Variants in ARB2A observed in about 807,000 individuals in gnomAD.
The protein encoded by ARB2A is ARB2 cotranscriptional regulator A.
At chr5:93,794,312 T>G in the ARB2A span, among the ~76,000 whole-genome samples, 2 of 152,176 alleles carry the variant, frequency 1.3e-5, no homozygotes, top group East Asian at 3.9e-4. Context: ...ACTGAAGAAC[T>G]TTCCTTTCAT....
the ARB2A span, among the ~76,000 whole-genome samples, chr5:93,905,455 A>G: frequency 6.6e-6 from 1 of 151,618 alleles, no homozygotes. Flanking sequence ...GATAACGTTA[A>G]TATAAGAATA....
the ARB2A span, among the ~76,000 whole-genome samples, chr5:93,822,056 A>C: frequency 1.3e-3 from 204 of 152,254 alleles, 2 homozygotes; most frequent in African/African-American, 4.3e-3. Context: ...CCTCCCATGC[A>C]TGTGCCTCCT....
At chr5:93,978,866 G>A in the ARB2A span, among the ~76,000 whole-genome samples, 1 of 152,076 alleles carries the variant, frequency 6.6e-6, no homozygotes, top group Non-Finnish European at 1.5e-5. Flanking sequence ...GTGGGGTGGG[G>A]GTTGAGGGTG....
At chr5:93,991,298 T>C in the ARB2A span, among the ~76,000 whole-genome samples, 1 of 152,084 alleles carries the variant, frequency 6.6e-6, no homozygotes, top group Non-Finnish European at 1.5e-5. Context: ...ATAAGAAACT[T>C]ACCTGCTGCC....
At chr5:93,993,432 C>T in the ARB2A span, among the ~76,000 whole-genome samples, 1 of 151,992 alleles carries the variant, frequency 6.6e-6, no homozygotes, top group African/African-American at 2.4e-5. Context: ...CAAATTAAAC[C>T]CACAGACAGG....
the ARB2A span, chr5:93,734,108 C>T: frequency 1.3e-5 from 2 of 152,102 alleles, no homozygotes; most frequent in African/African-American, 2.4e-5. Flanking sequence ...CCAAACACCT[C>T]ATGATTTCTT....
At chr5:93,763,638 C>T in the ARB2A span, among the ~76,000 whole-genome samples, 15 of 152,148 alleles carry the variant, frequency 9.9e-5, no homozygotes, top group East Asian at 1.7e-3. Context: ...GACAGATCAA[C>T]GAGACAGAAA....
chr5:93,721,576 A>G, the ARB2A span, among the ~76,000 whole-genome samples: 7 of 152,202 alleles, frequency 4.6e-5, no homozygotes, highest in African/African-American at 1.7e-4. Flanking sequence ...ACACATGAAT[A>G]ATTATTTGGG....
the ARB2A span, among the ~76,000 whole-genome samples, chr5:93,910,344 T>C: frequency 6.6e-6 from 1 of 150,998 alleles, no homozygotes; most frequent in Non-Finnish European, 1.5e-5. Flanking sequence ...AAGACCAAAA[T>C]GCTGAAAAAA....
chr5:93,876,069 AT>A, the ARB2A span, among the ~76,000 whole-genome samples: 2 of 152,262 alleles, frequency 1.3e-5, no homozygotes, highest in Admixed American at 1.3e-4. Flanking sequence ...ATCAGTTGAG[AT>A]ATTAAAATTC....
chr5:94,040,523 GC>G, the ARB2A span, among the ~76,000 whole-genome samples: 1 of 121,602 alleles, frequency 8.2e-6, no homozygotes, highest in Non-Finnish European at 1.7e-5. Context: ...CCCACAACAG[GC>G]CCCAGTATGT....
chr5:93,844,029 A>G, the ARB2A span, among the ~76,000 whole-genome samples: 26 of 151,994 alleles, frequency 1.7e-4, no homozygotes, highest in Non-Finnish European at 2.9e-4. Context: ...AAGATACTAC[A>G]AGTTTTAAGA....
At chr5:93,771,334 C>T in the ARB2A span, among the ~76,000 whole-genome samples, 4 of 151,780 alleles carry the variant, frequency 2.6e-5, no homozygotes, top group Non-Finnish European at 4.4e-5. Context: ...AAACGTTAGA[C>T]CTAAAACCAT....
the ARB2A span, among the ~76,000 whole-genome samples, chr5:94,103,692 C>T: frequency 3.3e-5 from 5 of 151,224 alleles, no homozygotes; most frequent in African/African-American, 1.2e-4. Flanking sequence ...ATCTACAGAA[C>T]ACTGCACTCA....
At chr5:93,653,461 A>G in the ARB2A span, among the ~76,000 whole-genome samples, 82 of 133,622 alleles carry the variant, frequency 6.1e-4, no homozygotes, top group African/African-American at 2.2e-3. Context: ...GCAGTGAGCC[A>G]AGATAGCGCC....
chr5:93,923,573 G>C, the ARB2A span, among the ~76,000 whole-genome samples: 2 of 152,108 alleles, frequency 1.3e-5, no homozygotes, highest in Non-Finnish European at 2.9e-5. Flanking sequence ...TGTAATCACA[G>C]AACTCTGAGA....
At chr5:93,899,693 G>C in the ARB2A span, among the ~76,000 whole-genome samples, 1 of 152,118 alleles carries the variant, frequency 6.6e-6, no homozygotes, top group East Asian at 1.9e-4. Context: ...ATTAAACTAT[G>C]TCCCTATTGA....
chr5:93,634,435 A>G, the ARB2A span, among the ~76,000 whole-genome samples: 1 of 151,872 alleles, frequency 6.6e-6, no homozygotes, highest in East Asian at 1.9e-4. Flanking sequence ...AACAAAAACC[A>G]CAGGAGAAAA....
the ARB2A span, chr5:93,781,777 G>C: frequency 5.9e-6 from 3 of 507,110 alleles, no homozygotes; most frequent in Non-Finnish European, 7.6e-6. Context: ...CTGATGATTA[G>C]TGATGTCGAG....
Sources: allele counts gnomAD v4.1 joint callset (sites outside exome capture counted in the v4.1 genomes callset), GRCh38; gene constraint gnomAD v4.1.1; transcripts MANE v1.5; gene names NCBI Gene and HGNC (gene_info 2026-07-23, HGNC 2026-07-21).